The following ACKR2 variants were observed in gnomAD, a reference collection of about 807,000 sequenced individuals.
The protein encoded by ACKR2 is atypical chemokine receptor 2.
For synonymous variants in ACKR2, 207 were observed against 192.2 expected, an observed-to-expected ratio of 1.08 and a Z score of -0.64; for missense variants, 457 against 477.3, an observed-to-expected ratio of 0.96 and a Z score of 0.40.
chr3:42,861,948 G>A (rs912655144), intron 2 of ACKR2, among the ~76,000 whole-genome samples: 37 of 152,066 alleles, frequency 2.4e-4, no homozygotes, highest in African/African-American at 8.5e-4. Flanking sequence ...TTTGAAAACC[G>A]GCACAAGACA....
chr3:42,818,501 C>T (rs935567084), intron 1 of ACKR2, among the ~76,000 whole-genome samples: 3 of 152,210 alleles, frequency 2.0e-5, no homozygotes, highest in Admixed American at 6.5e-5. Flanking sequence ...TTCCTACAAG[C>T]AGTAATGTTG....
intron 2 of ACKR2, among the ~76,000 whole-genome samples, chr3:42,824,862 A>G (rs1054861306): frequency 6.6e-6 from 1 of 152,122 alleles, no homozygotes; most frequent in African/African-American, 2.4e-5. Context: ...ATACCAGACC[A>G]TATGTTTAAG....
chr3:42,842,207 G>C (rs1375151435), intron 2 of ACKR2, among the ~76,000 whole-genome samples: 1 of 152,220 alleles, frequency 6.6e-6, no homozygotes, highest in East Asian at 1.9e-4. Flanking sequence ...GAACTGGGCA[G>C]AGAAAGTCAT....
intron 2 of ACKR2, among the ~76,000 whole-genome samples, chr3:42,823,918 C>T (rs763398591): frequency 9.9e-5 from 15 of 152,274 alleles, no homozygotes; most frequent in Non-Finnish European, 1.6e-4. Flanking sequence ...CAATCACAGT[C>T]GTCCCTTCGT....
chr3:42,848,516 C>G (rs1701121409), intron 2 of ACKR2, among the ~76,000 whole-genome samples: 1 of 152,032 alleles, frequency 6.6e-6, no homozygotes, highest in Admixed American at 6.5e-5. Flanking sequence ...CTGTGCCAGG[C>G]CCAGCTCTTT....
chr3:42,854,538 A>G (rs2088290911), intron 2 of ACKR2, among the ~76,000 whole-genome samples: 1 of 152,060 alleles, frequency 6.6e-6, no homozygotes, highest in Admixed American at 6.5e-5. Context: ...GGGCCATCCA[A>G]TCCCCGGCCC....
At chr3:42,859,194 C>G (rs1216305568) in intron 2 of ACKR2, among the ~76,000 whole-genome samples, 1 of 151,958 alleles carries the variant, frequency 6.6e-6, no homozygotes, top group African/African-American at 2.4e-5. Flanking sequence ...AGATACTCCT[C>G]GAGAAGAACA....
At position 42,865,906 on chromosome 3, in the gene ACKR2, CCTT is replaced by C. The variant is rs1208801068; in HGVS notation, c.*251_*253del. 11 of 460,746 alleles carry C rather than the reference CCTT, an allele frequency of 2.4e-5. No individual in the cohort carries two copies. Among genetic ancestry groups the C allele is most frequent in the Non-Finnish European group, 4.4e-5 (11 of 251,660 alleles). The allele number at this position is 460,746 out of a possible 1,614,324, so 28.5% of individuals were successfully genotyped here. A position where few individuals can be genotyped will look rare whatever the true frequency, so the allele number is the denominator to read the frequency against. On this transcript the variant is annotated 3_prime_UTR_variant, in exon 3 of 3. Coordinates refer to ENST00000422265, the MANE Select transcript of ACKR2 (RefSeq NM_001296.5). ...TCCTTCCTTCCTTGCTTCCTTCCTT[CCTT>C]CCTTCCCTCTCTCCCTCCCTCCCTC...
chr3:42,814,909 G>A (rs980194066), intron 1 of ACKR2, among the ~76,000 whole-genome samples: 6 of 152,198 alleles, frequency 3.9e-5, no homozygotes, highest in Non-Finnish European at 5.9e-5. Flanking sequence ...TGACTAGGAT[G>A]TAAATAAATT....
intron 2 of ACKR2, among the ~76,000 whole-genome samples, chr3:42,860,190 G>A (rs1452319122): frequency 0.034 from 296 of 8,808 alleles, no homozygotes; most frequent in Non-Finnish European, 0.068. Context: ...AAAAAAAAAA[G>A]CAGGGGATGC....
At chr3:42,859,054 T>C (rs753171940) in intron 2 of ACKR2, among the ~76,000 whole-genome samples, 13 of 152,122 alleles carry the variant, frequency 8.5e-5, no homozygotes, top group Admixed American at 5.2e-4. Flanking sequence ...GTTTGATTGG[T>C]GTACCTGAAA....
intron 1 of ACKR2, among the ~76,000 whole-genome samples, chr3:42,813,340 G>A (rs1476404760): frequency 1.3e-5 from 2 of 152,014 alleles, no homozygotes; most frequent in Admixed American, 1.3e-4. Flanking sequence ...GTCTGTTCTC[G>A]CAATGCTAGA....
intron 2 of ACKR2, among the ~76,000 whole-genome samples, chr3:42,828,092 A>ATATATTTTTTTTTTTTTTTTTT (rs1193533555): frequency 2.5e-5 from 3 of 121,900 alleles, no homozygotes; most frequent in South Asian, 2.8e-4. Flanking sequence ...ATATATATAT[A>ATATATTTTTTTTTTTTTTTTTT]TTTTTTTTTT....
At position 42,864,716 on chromosome 3, in the gene ACKR2, C is replaced by T. The variant is rs774202390; in HGVS notation, c.214C>T (p.Leu72Phe). 6 of 1,614,210 alleles carry T rather than the reference C, an allele frequency of 3.7e-6. No homozygotes were observed. In the Admixed American group the frequency reaches 6.7e-5, roughly 18 times the overall value. Residue 72 changes from leucine (L) to phenylalanine (F), a missense_variant, in exon 3 of 3, where the codon CTC (leucine) becomes TTC (phenylalanine). Coordinates refer to ENST00000422265, the MANE Select transcript of ACKR2 (RefSeq NM_001296.5). ...GAACCTCCTTCTTCTCATGGTCTTG[C>T]TCCGTTACGTGCCTCGCAGGCGGAT... ...SGNLLLLMVL[L>F]RYVPRRRMVE...
intron 2 of ACKR2, among the ~76,000 whole-genome samples, chr3:42,834,873 G>A (rs925237020): frequency 4.0e-5 from 6 of 151,508 alleles, no homozygotes; most frequent in South Asian, 2.1e-4. Flanking sequence ...CACTGTGCCC[G>A]GGCAAATTTT....
At chr3:42,845,587 C>T (rs1701084829) in intron 2 of ACKR2, among the ~76,000 whole-genome samples, 1 of 152,166 alleles carries the variant, frequency 6.6e-6, no homozygotes, top group Admixed American at 6.5e-5. Context: ...TGGTCTTGAA[C>T]TCCTGACCTC....
Position 42,864,999 on chromosome 3 carries a change from C to T in ACKR2, c.497C>T (p.Thr166Ile). 5 of 1,614,190 alleles carry T rather than the reference C, an allele frequency of 3.1e-6. No homozygotes were observed. Among genetic ancestry groups the T allele is most frequent in the Non-Finnish European group, 4.2e-6 (5 of 1,180,042 alleles). ...CGGGCCAAGAGCCTGCTCCTTGCTA[C>T]CATAGTATGGGCTGTGTCCCTGGCC... ...RTRAKSLLLA[T>I]IVWAVSLAVS... is the part of the protein sequence containing the mutation. Residue 166 changes from threonine (T) to isoleucine (I), a missense_variant, in exon 3 of 3, where the codon ACC becomes ATC. Coordinates refer to ENST00000422265, the MANE Select transcript of ACKR2 (RefSeq NM_001296.5).
chr3:42,852,920 A>G lies in ACKR2; in HGVS notation c.-37-11546A>G, dbSNP rs1701177784. ...GTGCCGTGATCTGGAATCAGAGGCC[A>G]GCTGATTCCTCTGGCCAGCTGTGCC... On this transcript the variant is annotated intron_variant, in intron 2 of 2. Transcript: ENST00000422265. The surrounding 1 kb of genome is among the most constrained non-coding windows in gnomAD (Gnocchi z 4.3). Among the ~76,000 whole-genome samples the G allele has an allele frequency of 6.6e-6, 1 of 152,148 alleles. No homozygotes were observed. The highest frequency in any genetic ancestry group is 2.4e-5 in the African/African-American group (1 of 41,420).
chr3:42,828,095 T>A (rs866403710), intron 2 of ACKR2, among the ~76,000 whole-genome samples: 7,795 of 140,516 alleles, frequency 0.055, 213 homozygotes, highest in African/African-American at 0.071. Context: ...TATATATATT[T>A]TTTTTTTTTT....
Sources: gnomAD v4.1 joint callset for allele counts (sites outside exome capture counted in the v4.1 genomes callset) on GRCh38, gnomAD v4.1.1 for gene constraint, Gnocchi (gnomAD v3.1) non-coding constraint, MANE v1.5 for transcripts, NCBI Gene and HGNC (gene_info 2026-07-23, HGNC 2026-07-21) for gene names.